Variants in ANKRD55 observed in about 807,000 individuals in gnomAD.
ANKRD55 encodes the protein ankyrin repeat domain-containing protein 55.
A neutral mutation model predicts 60.6 loss-of-function variants in ANKRD55; 41 were observed. That is an observed-to-expected ratio of 0.68 (90% CI 0.53 to 0.88). The LOEUF is 0.88. Ranked by LOEUF, ANKRD55 falls within the 40% of genes least tolerant of loss-of-function variation. The pLI is 0.00. For synonymous variants in ANKRD55, 264 were observed against 290.3 expected (o/e 0.91, Z 0.92); for missense variants, 732 against 767.6 (o/e 0.95, Z 0.55).
chr5:56,174,236 A>G (rs1758686689), intron 4 of ANKRD55, among the ~76,000 whole-genome samples: 1 of 152,186 alleles, frequency 6.6e-6, no homozygotes, highest in Admixed American at 6.5e-5. Context: ...ATTCACCGTG[A>G]TTTAGAGGAG....
rs71578616 is a variant in ANKRD55, at chr5:56,173,541, CCTCTCTCTCT to C, written c.312+2601_312+2610del. ...ATAATACGTTAAATGTAGAGATTCG[CCTCTCTCTCT>C]CTCTCTCTCTCTCTCTCTCTCTCTC... On this transcript the variant is annotated intron_variant, in intron 4 of 11. Coordinates refer to ENST00000341048, the MANE Select transcript of ANKRD55 (RefSeq NM_024669.3). 2.3e-3 allele frequency among the ~76,000 whole-genome samples: 143 copies of C among 61,498 alleles called. 1 individual carries two copies. Among genetic ancestry groups the C allele is most frequent in the South Asian group, 0.012 (13 of 1,100 alleles). The allele number at this position is 61,498 out of a possible 152,430, so 40.3% of individuals were successfully genotyped here. A position where few individuals can be genotyped will look rare whatever the true frequency, so the allele number is the denominator to read the frequency against.
rs879888306 is a variant in ANKRD55, at chr5:56,201,632, C to T, written c.59-17998G>A. On this transcript the variant is annotated intron_variant, in intron 2 of 11. Transcript: ENST00000341048. ...TGCCAAATGGATAAGAATAGTGCCT[C>T]CCCCTTAGGGCTGTTCTGAGAGCTA... is the stretch of plus-strand genomic sequence containing the variant. Among the ~76,000 whole-genome samples the T allele has an allele frequency of 2.5e-4, 38 of 152,234 alleles. 1 individual carries two copies. The highest frequency in any genetic ancestry group is 2.4e-3 in the Admixed American group (37 of 15,276).
At chr5:56,161,923 T>A in intron 5 of ANKRD55, 1 of 963,426 alleles carries the variant, frequency 1.0e-6, no homozygotes, top group Non-Finnish European at 1.2e-6. Flanking sequence ...TCTTTGCAAT[T>A]ATTTCACCAC....
rs1561263805 is a variant in ANKRD55 at position 56,135,268 on chromosome 5, C to CCTTCCTTCCTTCCTTCTT, written c.613-8163_613-8162insAAGAAGGAAGGAAGGAAG. Among the ~76,000 whole-genome samples the CCTTCCTTCCTTCCTTCTT allele has an allele frequency of 5.2e-4, 53 of 101,608 alleles. 2 individuals carry two copies. Among genetic ancestry groups the CCTTCCTTCCTTCCTTCTT allele is most frequent in the Admixed American group, 1.9e-3 (18 of 9,586 alleles). 66.7% of individuals were successfully genotyped at this position (101,608 alleles called of 152,430 possible). A position where few individuals can be genotyped will look rare whatever the true frequency, so the allele number is the denominator to read the frequency against. On this transcript the variant is annotated intron_variant, in intron 7 of 11. Coordinates refer to ENST00000341048, the MANE Select transcript of ANKRD55 (RefSeq NM_024669.3). ...CTTCCTTCCTTCCTTCCTTCTTTCC[C>CCTTCCTTCCTTCCTTCTT]TCCCTCCCTCCCTGCCTGCCTGCTT...
At chr5:56,228,546 C>A (rs1450909355) in intron 2 of ANKRD55, among the ~76,000 whole-genome samples, 1 of 151,988 alleles carries the variant, frequency 6.6e-6, no homozygotes, top group Non-Finnish European at 1.5e-5. Flanking sequence ...GTGCCTCAGC[C>A]TCCCAAGTAG....
chr5:56,201,639 A>AG (rs1238665679), intron 2 of ANKRD55, among the ~76,000 whole-genome samples: 1 of 152,142 alleles, frequency 6.6e-6, no homozygotes, highest in Non-Finnish European at 1.5e-5. Context: ...CCTCCCCCTT[A>AG]GGGCTGTTCT....
At chr5:56,108,677 C>T (rs1756572184) in intron 10 of ANKRD55, among the ~76,000 whole-genome samples, 1 of 152,192 alleles carries the variant, frequency 6.6e-6, no homozygotes, top group African/African-American at 2.4e-5. Context: ...TCAAAATCAA[C>T]TGCATATTAA....
chr5:56,131,696 T>G (rs1757418172), intron 7 of ANKRD55, among the ~76,000 whole-genome samples: 2 of 144,094 alleles, frequency 1.4e-5, no homozygotes, highest in South Asian at 4.3e-4. Flanking sequence ...CTCGGAAGGC[T>G]GAGACAGGAG....
At chr5:56,192,866 G>A (rs1759133869) in intron 2 of ANKRD55, 2 of 665,428 alleles carry the variant, frequency 3.0e-6, no homozygotes. Context: ...GGCCAAACAT[G>A]TCAAAGCTAC....
chr5:56,155,602 C>T lies in ANKRD55; in HGVS notation c.483+4231G>A, dbSNP rs182941526. ...TGAGGGACTCCATTTTGATATTTGG[C>T]CTGGTCTGTTGACCTAGTACAGGAG... On this transcript the variant is annotated intron_variant, in intron 6 of 11. Coordinates refer to ENST00000341048, the MANE Select transcript of ANKRD55 (RefSeq NM_024669.3). Among the ~76,000 whole-genome samples the T allele has an allele frequency of 2.6e-3, 389 of 152,232 alleles. 1 individual carries two copies. Among genetic ancestry groups the T allele is most frequent in the Non-Finnish European group, 4.6e-3 (311 of 68,012 alleles).
At chr5:56,126,543 T>G (rs1303821712) in intron 8 of ANKRD55, among the ~76,000 whole-genome samples, 1 of 152,124 alleles carries the variant, frequency 6.6e-6, no homozygotes, top group East Asian at 1.9e-4. Context: ...TATTATGTTC[T>G]TCTCTGGATA....
At position 56,134,375 on chromosome 5, in the gene ANKRD55, C is replaced by T. The variant is rs560792040; in HGVS notation, c.613-7269G>A. Among the ~76,000 whole-genome samples, 4 of 113,874 alleles carry T rather than the reference C, an allele frequency of 3.5e-5. 2 individuals are homozygous for T. The South Asian group carries it at 1.1e-3, about 32-fold the overall frequency. The allele number at this position is 113,874 out of a possible 152,430, so 74.7% of individuals were successfully genotyped here. A position where few individuals can be genotyped will look rare whatever the true frequency, so the allele number is the denominator to read the frequency against. On this transcript the variant is annotated intron_variant, in intron 7 of 11. Coordinates refer to ENST00000341048, the MANE Select transcript of ANKRD55 (RefSeq NM_024669.3). ...GGTGGATCACCTGAGGTCAGGAGTT[C>T]GAGACCAGCCTGGCCAACATGGCGA...
chr5:56,217,153 C>T (rs1759832649), intron 2 of ANKRD55, among the ~76,000 whole-genome samples: 1 of 152,192 alleles, frequency 6.6e-6, no homozygotes, highest in East Asian at 1.9e-4. Flanking sequence ...TGCCTCTGCT[C>T]TGTAAATGGA....
intron 3 of ANKRD55, among the ~76,000 whole-genome samples, chr5:56,177,796 AG>A (rs1758768856): frequency 6.6e-6 from 1 of 152,032 alleles, no homozygotes; most frequent in Admixed American, 6.6e-5. Context: ...ACACACACAA[AG>A]AAACAAAAAC....
chr5:56,188,351 C>CTG (rs1759021099), intron 2 of ANKRD55, among the ~76,000 whole-genome samples: 1 of 145,518 alleles, frequency 6.9e-6, no homozygotes, highest in African/African-American at 2.7e-5. Context: ...CCCCGCAACC[C>CTG]CGCCACCCCC....
intron 2 of ANKRD55, among the ~76,000 whole-genome samples, chr5:56,194,175 G>T: frequency 6.6e-6 from 1 of 152,046 alleles, no homozygotes; most frequent in South Asian, 2.1e-4. Flanking sequence ...AATTAGCTGG[G>T]CGTGGTGGCG....
chr5:56,135,097 C>T (rs1409484360), intron 7 of ANKRD55, among the ~76,000 whole-genome samples: 1 of 152,072 alleles, frequency 6.6e-6, no homozygotes, highest in African/African-American at 2.4e-5. Context: ...AGAAGAACTT[C>T]CTAAACTTGG....
In ANKRD55 at chr5:56,107,091, G is replaced by C. The variant is rs549796831; in HGVS notation, c.1630+4027C>G. The stretch of plus-strand genomic sequence containing the variant: ...AACACTCAGCAATCATTTAATGTTT[G>C]ATCAAATGACTAAGCTCCTTTCCAT... On this transcript the variant is annotated intron_variant, in intron 10 of 11. Coordinates refer to ENST00000341048, the MANE Select transcript of ANKRD55 (RefSeq NM_024669.3). 1.2e-3 allele frequency among the ~76,000 whole-genome samples: 175 copies of C among 149,882 alleles called. 1 individual carries two copies. The highest frequency in any genetic ancestry group is 3.9e-3 in the African/African-American group (161 of 40,964).
chr5:56,154,067 G>A (rs1580986235), intron 6 of ANKRD55, among the ~76,000 whole-genome samples: 4 of 151,448 alleles, frequency 2.6e-5, no homozygotes, highest in Admixed American at 1.3e-4. Flanking sequence ...AAAAAAATTA[G>A]CTGGGCGTGG....
Sources: gnomAD v4.1 joint callset for allele counts (sites outside exome capture counted in the v4.1 genomes callset) on GRCh38, gnomAD v4.1.1 for gene constraint, MANE v1.5 for transcripts, NCBI Gene and HGNC (gene_info 2026-07-23, HGNC 2026-07-21) for gene names.